Variants in ZNF257 observed in about 807,000 individuals in gnomAD.
The protein encoded by ZNF257 is bone marrow zinc finger 4.
ZNF257 carries 12 observed loss-of-function variants against 11.9 expected under a neutral mutation model. That is an observed-to-expected ratio of 1.01 (90% CI 0.65 to 1.63). ZNF257 has a LOEUF of 1.63. Ranked by LOEUF, ZNF257 falls within the 40% of genes most tolerant of loss-of-function variation. The probability of loss-of-function intolerance (pLI) is 0.00; values close to 1 mark genes in which losing one functional copy is unlikely to be tolerated. For synonymous variants in ZNF257, 183 were observed against 222.7 expected (o/e 0.82, Z 1.59); for missense variants, 580 against 665.5 (o/e 0.87, Z 1.41).
chr19:22,086,147 T>C (rs2022471722), intron 3 of ZNF257, among the ~76,000 whole-genome samples: 1 of 152,102 alleles, frequency 6.6e-6, no homozygotes, highest in Admixed American at 6.5e-5. Context: ...TGTCTTCCAT[T>C]GTGTCTGTTT....
intron 1 of ZNF257, among the ~76,000 whole-genome samples, chr19:22,063,169 T>C (rs1166518995): frequency 1.3e-5 from 2 of 152,224 alleles, no homozygotes; most frequent in Non-Finnish European, 2.9e-5. Context: ...ATGTGCATAG[T>C]AGACTTCAGT....
chr19:22,053,395 T>G (rs1171395472), intron 1 of ZNF257, among the ~76,000 whole-genome samples: 1 of 114,318 alleles, frequency 8.7e-6, no homozygotes, highest in Non-Finnish European at 1.9e-5. Flanking sequence ...AAAAAAAAAA[T>G]TGTAAAGTAC....
chr19:22,081,856 G>A (rs7258192), intron 3 of ZNF257, among the ~76,000 whole-genome samples: 101,151 of 151,966 alleles, frequency 0.67, 34,514 homozygotes, highest in South Asian at 0.84. Context: ...ATAATTGCTT[G>A]AAGAAATGTT....
At chr19:22,067,933 A>G (rs2021998547) in intron 1 of ZNF257, among the ~76,000 whole-genome samples, 1 of 151,834 alleles carries the variant, frequency 6.6e-6, no homozygotes, top group African/African-American at 2.4e-5. Context: ...AATTGCCACA[A>G]GTAGCATCAA....
chr19:22,082,664 A>G (rs2022387770), intron 3 of ZNF257, among the ~76,000 whole-genome samples: 2 of 152,136 alleles, frequency 1.3e-5, no homozygotes, highest in South Asian at 4.1e-4. Flanking sequence ...TAAACTCTGT[A>G]TTACTTTTTC....
chr19:22,055,058 A>C (rs1181163160), intron 1 of ZNF257, among the ~76,000 whole-genome samples: 1 of 151,882 alleles, frequency 6.6e-6, no homozygotes, highest in South Asian at 2.1e-4. Context: ...TCTTCACCCA[A>C]CTCAGCTTCC....
At chr19:22,065,748 T>TA (rs944417786) in intron 1 of ZNF257, 3 of 152,174 alleles carry the variant, frequency 2.0e-5, no homozygotes, top group African/African-American at 2.4e-5. Context: ...CCAAAAACCG[T>TA]AATAGCTCTT....
Position 22,088,980 on chromosome 19 carries a change from C to CT in ZNF257, c.1231dup (p.Trp411LeufsTer12), listed in dbSNP as rs777894132. 2.5e-5 allele frequency: 40 copies of CT among 1,605,782 alleles called. No individual in the cohort carries two copies. The highest frequency in any genetic ancestry group is 1.0e-4 in the Admixed American group (6 of 59,196). ...GTGATGAATATTGCAAAGCTTTTAA[C>CT]TGGTCCTCAGCTCTTACTACCCTTA... On this transcript the variant is annotated frameshift_variant, in exon 4 of 4. Transcript: ENST00000594947. LOFTEE classifies it low-confidence loss of function (END_TRUNC).
In ZNF257 at chr19:22,088,747, C is replaced by A; in HGVS notation, c.997C>A (p.Arg333=). The A allele has an allele frequency of 6.2e-7, 1 of 1,609,774 alleles. No homozygotes were observed. The highest frequency in any genetic ancestry group is 1.7e-4 in the Middle Eastern group (1 of 6,020). Residue 333 remains arginine, a synonymous_variant, in exon 4 of 4, where the codon CGA becomes AGA. Coordinates refer to ENST00000594947, the MANE Select transcript of ZNF257 (RefSeq NM_033468.4). ...CTTTAACCAGTCCTCAGCCCTTACT[C>A]GACATAAGATGATTCATACTGGAGA... ...KAFNQSSALT[R]HKMIHTGEKP...
rs180985161 is a variant in ZNF257, at chr19:22,060,996, G to A, written c.3+8361G>A. 2.4e-3 allele frequency among the ~76,000 whole-genome samples: 371 copies of A among 152,204 alleles called. 2 individuals are homozygous for A. Among genetic ancestry groups the A allele is most frequent in the African/African-American group, 8.1e-3 (336 of 41,532 alleles). On this transcript the variant is annotated intron_variant, in intron 1 of 3. Coordinates refer to ENST00000594947, the MANE Select transcript of ZNF257 (RefSeq NM_033468.4). ...TGTTTTGGTCTCTGAGCCTGTTTTT[G>A]TACCAGTACCATGCTGCTTTTTTTA... is the stretch of plus-strand genomic sequence containing the variant.
intron 1 of ZNF257, among the ~76,000 whole-genome samples, chr19:22,056,141 T>C (rs1446865703): frequency 6.6e-6 from 1 of 152,056 alleles, no homozygotes; most frequent in East Asian, 1.9e-4. Context: ...TTAGTAGGGC[T>C]TTAAAGGTAA....
intron 1 of ZNF257, among the ~76,000 whole-genome samples, chr19:22,062,062 A>T (rs1446648412): frequency 7.1e-6 from 1 of 139,870 alleles, no homozygotes; most frequent in African/African-American, 2.7e-5. Flanking sequence ...TTTGCTGAGG[A>T]TTTTTTTTTT....
rs753484364 is a variant in ZNF257 at position 22,072,863 on chromosome 19, T to G, written c.58T>G (p.Cys20Gly). The G allele has an allele frequency of 1.9e-6, 3 of 1,613,500 alleles. No homozygotes were observed. The highest frequency in any genetic ancestry group is 1.3e-5 in the African/African-American group (1 of 74,956). ...TVEFSLEEWHCLDTAQQNLYR... is the reference protein window; with the variant it reads ...TVEFSLEEWHGLDTAQQNLYR... Reference sequence around the variant, plus strand: ...AGAATTCTCTCTGGAGGAGTGGCATTGCCTGGACACTGCACAGCAGAATTT... The same window carrying G: ...AGAATTCTCTCTGGAGGAGTGGCATGGCCTGGACACTGCACAGCAGAATTT... The change falls in exon 2 of 4, where the codon TGC (cysteine) becomes GGC (glycine). Residue 20 changes from cysteine to glycine, a missense_variant. By Grantham distance (159) the Cys-to-Gly change is radical. Transcript: ENST00000594947.
chr19:22,054,356 C>T (rs1435107973), intron 1 of ZNF257, among the ~76,000 whole-genome samples: 2 of 152,122 alleles, frequency 1.3e-5, no homozygotes, highest in African/African-American at 4.8e-5. Flanking sequence ...AGGAGTGAGC[C>T]GCGTCCGGCC....
Position 22,088,618 on chromosome 19 carries a change from T to C in ZNF257, c.868T>C (p.Cys290Arg). 1 of 1,613,250 alleles carries C rather than the reference T, an allele frequency of 6.2e-7. No homozygotes were observed. The highest frequency in any genetic ancestry group is 1.3e-5 in the African/African-American group (1 of 74,678). The part of the protein sequence containing the change: ...NREKPFKYDE[C>R]CKAFKWSSAL... ...AGAGAAGCCCTTCAAATATGATGAA[T>C]GTTGCAAAGCCTTTAAGTGGTCCTC... The change falls in exon 4 of 4, where the codon TGT (cysteine) becomes CGT (arginine). Residue 290 changes from cysteine to arginine, a missense_variant. Coordinates refer to ENST00000594947, the MANE Select transcript of ZNF257 (RefSeq NM_033468.4).
intron 1 of ZNF257, among the ~76,000 whole-genome samples, chr19:22,053,863 T>G (rs2021552125): frequency 6.6e-6 from 1 of 151,854 alleles, no homozygotes; most frequent in Non-Finnish European, 1.5e-5. Context: ...AGGTGGAGGT[T>G]GCAGTGAGCC....
chr19:22,066,694 A>G (rs1394502083), intron 1 of ZNF257, among the ~76,000 whole-genome samples: 2 of 152,242 alleles, frequency 1.3e-5, no homozygotes, highest in African/African-American at 4.8e-5. Context: ...GCCTTTTGTC[A>G]TGAAGATGTG....
At chr19:22,081,600 C>T (rs546940390) in intron 3 of ZNF257, among the ~76,000 whole-genome samples, 40 of 152,158 alleles carry the variant, frequency 2.6e-4, no homozygotes, top group African/African-American at 8.7e-4. Context: ...TTAATGATGG[C>T]TCACAGCAGC....
At chr19:22,084,519 A>T (rs549630663) in intron 3 of ZNF257, among the ~76,000 whole-genome samples, 1 of 152,002 alleles carries the variant, frequency 6.6e-6, no homozygotes, top group African/African-American at 2.4e-5. Context: ...TATTTTTTCA[A>T]AAGTGCAATG....
Sources: gnomAD v4.1 joint callset for allele counts (sites outside exome capture counted in the v4.1 genomes callset) on GRCh38, gnomAD v4.1.1 for gene constraint, MANE v1.5 for transcripts, NCBI Gene and HGNC (gene_info 2026-07-23, HGNC 2026-07-21) for gene names.